The following WWP2 variants were observed in gnomAD, a reference collection of about 807,000 sequenced individuals.
WWP2 encodes WW domain containing E3 ubiquitin protein ligase 2, also known as NEDD4-like E3 ubiquitin-protein ligase WWP2.
Under a neutral mutation model 121.0 loss-of-function variants are expected in WWP2, and 57 were observed. That is an observed-to-expected ratio of 0.47 (90% CI 0.38 to 0.59). The LOEUF (loss-of-function observed/expected upper bound fraction) is 0.59. Ranked by LOEUF, WWP2 falls within the 20% of genes least tolerant of loss-of-function variation. The pLI, the probability that WWP2 is intolerant of heterozygous loss-of-function variation, is 0.00. For missense variants in WWP2, 962 were observed against 1,158.9 expected (o/e 0.83, Z 2.47); for synonymous variants, 449 against 441.3 (o/e 1.02, Z -0.22).
chr16:69,912,947 A>T (rs2151966517), intron 9 of WWP2, among the ~76,000 whole-genome samples: 2 of 3,790 alleles, frequency 5.3e-4, no homozygotes, highest in Non-Finnish European at 8.2e-4. Flanking sequence ...AAAAAAAAAA[A>T]AAAAAAAAAT....
At chr16:69,862,017 CT>C (rs2057430889) in intron 6 of WWP2, among the ~76,000 whole-genome samples, 1 of 152,116 alleles carries the variant, frequency 6.6e-6, no homozygotes, top group African/African-American at 2.4e-5. Context: ...GGTAATTTTA[CT>C]TTTTGTGCCT....
intron 4 of WWP2, among the ~76,000 whole-genome samples, chr16:69,833,004 C>T (rs530550012): frequency 1.3e-5 from 2 of 152,242 alleles, no homozygotes; most frequent in African/African-American, 4.8e-5. Context: ...CAGGTGCACG[C>T]CACCACGTCC....
At chr16:69,765,703 A>G (rs1474801278) in intron 1 of WWP2, among the ~76,000 whole-genome samples, 1 of 152,184 alleles carries the variant, frequency 6.6e-6, no homozygotes, top group Non-Finnish European at 1.5e-5. Flanking sequence ...ACATGTGTCT[A>G]ATTCCAGCTA....
rs138734512 is a variant in WWP2, at chr16:69,879,308, C to G, written c.703+7377C>G. Among the ~76,000 whole-genome samples the G allele has an allele frequency of 7.9e-3, 1,205 of 152,204 alleles. 17 individuals carry two copies. Among genetic ancestry groups the G allele is most frequent in the African/African-American group, 0.026 (1,098 of 41,528 alleles). On this transcript the variant is annotated intron_variant, in intron 7 of 23. Coordinates refer to ENST00000359154, the MANE Select transcript of WWP2 (RefSeq NM_001270454.2). ...CACAATGTTGGGTAACTATAACCAC[C>G]AGTGTCCATTTCCAGAACTTTTTCA...
At chr16:69,848,606 C>T (rs1001683702) in intron 6 of WWP2, among the ~76,000 whole-genome samples, 29 of 140,264 alleles carry the variant, frequency 2.1e-4, no homozygotes, top group East Asian at 2.1e-4. Context: ...CCCTGCAATC[C>T]AGCCTGGGCA....
chr16:69,791,457 A>G (rs1352852404), intron 2 of WWP2, among the ~76,000 whole-genome samples: 1 of 151,640 alleles, frequency 6.6e-6, no homozygotes, highest in African/African-American at 2.4e-5. Flanking sequence ...CAAACTCCTG[A>G]CCTCAGGTGA....
chr16:69,828,518 C>T (rs976055822), intron 4 of WWP2, among the ~76,000 whole-genome samples: 3 of 152,104 alleles, frequency 2.0e-5, no homozygotes, highest in Admixed American at 6.6e-5. Flanking sequence ...AGGCATGCAC[C>T]ACCACACCCC....
chr16:69,845,637 T>C (rs1015581338), intron 6 of WWP2, among the ~76,000 whole-genome samples: 7 of 151,992 alleles, frequency 4.6e-5, no homozygotes, highest in Non-Finnish European at 8.8e-5. Context: ...ACTGGAACTG[T>C]GAAAGGGTTT....
At chr16:69,868,645 C>T (rs2057572054) in intron 6 of WWP2, among the ~76,000 whole-genome samples, 1 of 147,074 alleles carries the variant, frequency 6.8e-6, no homozygotes, top group African/African-American at 2.6e-5. Flanking sequence ...TCTCTGCCCT[C>T]AACACATACA....
chr16:69,925,068 G>C lies in WWP2; in HGVS notation c.1180-362G>C. 9.7e-7 allele frequency: 1 copy of C among 1,033,394 alleles called. No individual in the cohort carries two copies. The highest frequency in any genetic ancestry group is 1.2e-6 in the Non-Finnish European group (1 of 861,444). The allele number at this position is 1,033,394 out of a possible 1,614,324, so 64.0% of individuals were successfully genotyped here. A position where few individuals can be genotyped will look rare whatever the true frequency, so the allele number is the denominator to read the frequency against. On this transcript the variant is annotated intron_variant, in intron 10 of 23. Transcript: ENST00000359154. The surrounding 1 kb of genome is among the most constrained non-coding windows in gnomAD (Gnocchi z 4.0). ...GCCTTGGCCGCCTTGAGCCGGAGCT[G>C]AGCGGAGGCACTGGGCCGAGCCTGC...
intron 4 of WWP2, among the ~76,000 whole-genome samples, chr16:69,837,526 C>T (rs2056898378): frequency 6.6e-6 from 1 of 152,186 alleles, no homozygotes; most frequent in African/African-American, 2.4e-5. Flanking sequence ...AAAATTCAGG[C>T]TATCTCTCTG....
intron 4 of WWP2, among the ~76,000 whole-genome samples, chr16:69,819,051 C>A (rs2056547258): frequency 1.3e-5 from 2 of 152,178 alleles, no homozygotes; most frequent in African/African-American, 4.8e-5. Flanking sequence ...CTAAAATCCT[C>A]CGTGCCTTCC....
At chr16:69,841,980 C>A in intron 5 of WWP2, 44 bp from the exon 6 acceptor site, 1 of 1,571,760 alleles carries the variant, frequency 6.4e-7, no homozygotes, top group South Asian at 1.1e-5. Flanking sequence ...ACGAGTTGAG[C>A]TCCTCAATGC....
At chr16:69,796,968 G>C (rs1190335571) in intron 2 of WWP2, among the ~76,000 whole-genome samples, 1 of 152,252 alleles carries the variant, frequency 6.6e-6, no homozygotes, top group Non-Finnish European at 1.5e-5. Flanking sequence ...GAGTCTGGGA[G>C]GGAGGGATTT....
intron 14 of WWP2, 47 bp from the exon 15 acceptor site, chr16:69,931,462 G>C: frequency 1.2e-6 from 2 of 1,610,094 alleles, no homozygotes; most frequent in Non-Finnish European, 1.7e-6. Flanking sequence ...GAGAACAGAT[G>C]ACCACTTGAG....
At chr16:69,810,224 A>C (rs2056362556) in intron 4 of WWP2, among the ~76,000 whole-genome samples, 1 of 152,170 alleles carries the variant, frequency 6.6e-6, no homozygotes. Context: ...CCTTTGGCAG[A>C]GGGATGCTGT....
At chr16:69,796,974 G>T (rs2056060496) in intron 2 of WWP2, among the ~76,000 whole-genome samples, 2 of 152,244 alleles carry the variant, frequency 1.3e-5, no homozygotes, top group Admixed American at 6.5e-5. Context: ...GGGAGGGAGG[G>T]ATTTGCTTAT....
chr16:69,872,009 C>T (rs1247844417), intron 7 of WWP2, 78 bp downstream of exon 7: 8 of 1,523,352 alleles, frequency 5.3e-6, no homozygotes, highest in Non-Finnish European at 6.2e-6. Flanking sequence ...CGGGATCCTG[C>T]CCACTGTGTC....
chr16:69,929,391 A>G, intron 11 of WWP2, 57 bp from the exon 12 acceptor site: 1 of 1,546,568 alleles, frequency 6.5e-7, no homozygotes, highest in Non-Finnish European at 8.9e-7. Context: ...CCTCAGGGAA[A>G]GGACACCGGC....
Sources: gnomAD v4.1 joint callset for allele counts (sites outside exome capture counted in the v4.1 genomes callset) on GRCh38, gnomAD v4.1.1 for gene constraint, Gnocchi (gnomAD v3.1) non-coding constraint, MANE v1.5 for transcripts, NCBI Gene and HGNC (gene_info 2026-07-23, HGNC 2026-07-21) for gene names.